The following MTMR11 variants were observed in gnomAD, a reference collection of about 807,000 sequenced individuals.
MTMR11 encodes the protein myotubularin-related protein 11.
Under a neutral mutation model 100.0 loss-of-function variants are expected in MTMR11, and 89 were observed. That is an observed-to-expected ratio of 0.89 (90% CI 0.75 to 1.06). The LOEUF is 1.06. MTMR11 is among the 50% of genes least tolerant of loss of function. The pLI, the probability that MTMR11 is intolerant of heterozygous loss-of-function variation, is 0.00. For missense variants in MTMR11, 809 were observed against 873.7 expected, an observed-to-expected ratio of 0.93 and a Z score of 0.93; for synonymous variants, 336 against 326.3, an observed-to-expected ratio of 1.03 and a Z score of -0.32.
chr1:149,928,846 C>T lies in MTMR11; in HGVS notation c.*283G>A. 1 of 1,606,060 alleles carries T rather than the reference C, an allele frequency of 6.2e-7. No homozygotes were observed. The highest frequency in any genetic ancestry group is 2.2e-5 in the East Asian group (1 of 44,844). ...AGGCCATCTTGTTGGGACTGATGAA[C>T]AGCATCTCTGATCTCATGATTTAAC... On this transcript the variant is annotated 3_prime_UTR_variant, in exon 17 of 17. Coordinates refer to ENST00000439741, the MANE Select transcript of MTMR11 (RefSeq NM_001145862.2).
At position 149,931,971 on chromosome 1, in the gene MTMR11, A is replaced by G. The variant is rs1347812966; in HGVS notation, c.1096T>C (p.Ser366Pro). 6.2e-7 allele frequency: 1 copy of G among 1,613,878 alleles called. No individual in the cohort carries two copies. The highest frequency in any genetic ancestry group is 8.5e-7 in the Non-Finnish European group (1 of 1,179,822). ...KASDISVLVT[S>P]RVRSVILQER... ...TGAAGTATTACAGAACGAACCCTGG[A>G]TGTCACTAATACTGAAATGTCACTG... Residue 366 changes from serine to proline, a missense_variant, in exon 12 of 17, where the codon TCC (serine) becomes CCC (proline). Physicochemically the swap from Ser to Pro is moderately conservative, Grantham distance 74. Coordinates refer to ENST00000439741, the MANE Select transcript of MTMR11 (RefSeq NM_001145862.2).
At chr1:149,931,107 G>T in intron 13 of MTMR11, 142 bp from the exon 14 acceptor site, 1 of 1,333,328 alleles carries the variant, frequency 7.5e-7, no homozygotes, top group Non-Finnish European at 1.0e-6. Context: ...GGGTAGCAGG[G>T]GCTTGTAAGG....
At position 149,928,830 on chromosome 1, in the gene MTMR11, T is replaced by C. The variant is rs368582793; in HGVS notation, c.*299A>G. 4.4e-6 allele frequency: 7 copies of C among 1,586,088 alleles called. No individual in the cohort carries two copies. Among genetic ancestry groups the C allele is most frequent in the African/African-American group, 1.3e-5 (1 of 74,218 alleles). ...TGAGAATGCGATTTCTAGGCCATCT[T>C]GTTGGGACTGATGAACAGCATCTCT... On this transcript the variant is annotated 3_prime_UTR_variant, in exon 17 of 17. Coordinates refer to ENST00000439741, the MANE Select transcript of MTMR11 (RefSeq NM_001145862.2).
intron 7 of MTMR11, 69 bp downstream of exon 7, chr1:149,934,122 G>C (rs2092695084): frequency 6.2e-7 from 1 of 1,606,744 alleles, no homozygotes; most frequent in Admixed American, 1.7e-5. Flanking sequence ...GGAAGTCCTA[G>C]CTTTAGAGGA....
At position 149,935,031 on chromosome 1, in the gene MTMR11, G is replaced by T. The variant is rs1189744944; in HGVS notation, c.423C>A (p.Leu141=). The T allele has an allele frequency of 6.2e-7, 1 of 1,614,100 alleles. No homozygotes were observed. The highest frequency in any genetic ancestry group is 1.7e-5 in the Admixed American group (1 of 60,020). ...ILIHGRDFRL[L]RVGFEAGGLE... is the part of the protein sequence containing the mutation. ...GGCCTCCAGCCTCAAAACCAACTCT[G>T]AGCAGCCGGAAGTCTCGGCCATGAA... The change falls in exon 5 of 17, where the codon CTC becomes CTA. Residue 141 remains leucine, a synonymous_variant. Transcript: ENST00000439741.
chr1:149,932,291 T>C lies in MTMR11; in HGVS notation c.1025A>G (p.Glu342Gly). Residue 342 changes from glutamate to glycine, a missense_variant, in exon 11 of 17, where the codon GAA (glutamate) becomes GGA (glycine). Glu to Gly is a moderately conservative substitution (Grantham distance 98). Coordinates refer to ENST00000439741, the MANE Select transcript of MTMR11 (RefSeq NM_001145862.2). ...GACATAGTCCAGCCATCGTGTTCCTTCCAGGGCTGAAAGCCATTTATCCTC... is the reference window on the plus strand; with the variant it reads ...GACATAGTCCAGCCATCGTGTTCCTCCCAGGGCTGAAAGCCATTTATCCTC... ...VAEDKWLSAL[E>G]GTRWLDYVRA... is the part of the protein sequence containing the mutation. 1 of 1,614,104 alleles carries C rather than the reference T, an allele frequency of 6.2e-7. No homozygotes were observed. The highest frequency in any genetic ancestry group is 8.5e-7 in the Non-Finnish European group (1 of 1,179,948).
chr1:149,931,275 A>T lies in MTMR11; in HGVS notation c.1275T>A (p.Thr425=), dbSNP rs1553767566. ...GHPFLTRLGG[T]GASEEAPVFL... ...TCATTCTCACCTCTTCACTGGCCCC[A>T]GTTCCCCCAAGCCGAGTCAGGAAGG... Residue 425 remains threonine, a synonymous_variant, in exon 13 of 17, where the codon ACT becomes ACA. Coordinates refer to ENST00000439741, the MANE Select transcript of MTMR11 (RefSeq NM_001145862.2). 2 of 1,613,944 alleles carry T rather than the reference A, an allele frequency of 1.2e-6. No individual in the cohort carries two copies. Among genetic ancestry groups the T allele is most frequent in the Non-Finnish European group, 1.7e-6 (2 of 1,180,010 alleles).
chr1:149,929,416 C>T (rs781885414), intron 16 of MTMR11, 99 bp from the exon 17 acceptor site: 28 of 1,271,262 alleles, frequency 2.2e-5, no homozygotes, highest in Non-Finnish European at 3.1e-5. Context: ...TTTCCCCTTT[C>T]AGCTATGCCC....
chr1:149,929,002 G>A lies in MTMR11; in HGVS notation c.*127C>T. The A allele has an allele frequency of 6.2e-7, 1 of 1,607,532 alleles. No individual in the cohort carries two copies. Among genetic ancestry groups the A allele is most frequent in the Non-Finnish European group, 8.5e-7 (1 of 1,176,540 alleles). On this transcript the variant is annotated 3_prime_UTR_variant, in exon 17 of 17. Coordinates refer to ENST00000439741, the MANE Select transcript of MTMR11 (RefSeq NM_001145862.2). ...GAAACTAAGCAAGACAAGAGTTGGA[G>A]CAGTTAACACCACTATCTGCAGCAG...
Position 149,935,134 on chromosome 1 carries a change from G to C in MTMR11, c.326-6C>G. ...GACTCGGGACAAGCCGCTCACTGAAGTCAAGAGGTACAGAACAGTGTAACC... is the reference window on the plus strand; with the variant it reads ...GACTCGGGACAAGCCGCTCACTGAACTCAAGAGGTACAGAACAGTGTAACC... On this transcript the variant is annotated splice_region_variant and splice_polypyrimidine_tract_variant and intron_variant, in intron 4 of 16. Transcript: ENST00000439741. 1 of 1,614,112 alleles carries C rather than the reference G, an allele frequency of 6.2e-7. No homozygotes were observed. The highest frequency in any genetic ancestry group is 8.5e-7 in the Non-Finnish European group (1 of 1,179,998).
rs56830291 is a variant in MTMR11 at position 149,936,123 on chromosome 1, A to AAG, written c.142+29_142+30dup. On this transcript the variant is annotated intron_variant, in intron 2 of 16. Coordinates refer to ENST00000439741, the MANE Select transcript of MTMR11 (RefSeq NM_001145862.2). ...AAGATTGGCGTAGGATGAAATTTGGAAGTCTTTGGAGAGTGATAGGGCATT... is the reference window on the plus strand; with the variant it reads ...AAGATTGGCGTAGGATGAAATTTGGAAGAGTCTTTGGAGAGTGATAGGGCATT... 0.012 allele frequency: 18,567 copies of AAG among 1,593,730 alleles called. 1,755 individuals carry two copies. The African/African-American group carries it at 0.21, about 18-fold the overall frequency.
chr1:149,931,908 G>C (rs782735525), intron 12 of MTMR11, 36 bp downstream of exon 12: 27 of 1,563,666 alleles, frequency 1.7e-5, no homozygotes, highest in Middle Eastern at 1.7e-4. Context: ...AAAGAAAAGA[G>C]GCAAGGAATG....
intron 9 of MTMR11, 25 bp downstream of exon 9, chr1:149,933,585 A>G: frequency 6.2e-7 from 1 of 1,614,120 alleles, no homozygotes; most frequent in South Asian, 1.1e-5. Context: ...CTAACCCTTG[A>G]TTCTTCTCAT....
rs782209894 is a variant in MTMR11, at chr1:149,933,914, G to A, written c.712C>T (p.Arg238Ter). The A allele has an allele frequency of 9.3e-6, 15 of 1,614,086 alleles. No homozygotes were observed. The highest frequency in any genetic ancestry group is 2.2e-5 in the South Asian group (2 of 91,092). ...CTCCTGACCTCACTGTCCAGAATTC[G>A]GTTAGGGACCCAGAAGTAACGGGGG... The part of the protein sequence containing the change: ...SLPRYFWVPN[R>*]ILDSEVRRAF... Residue 238 changes from arginine (R) to a stop codon, truncating the protein, a stop_gained, in exon 8 of 17, where the codon CGA (arginine) becomes TGA (stop). Coordinates refer to ENST00000439741, the MANE Select transcript of MTMR11 (RefSeq NM_001145862.2). LOFTEE classifies it high-confidence loss of function.
rs1046447370 is a variant in MTMR11, at chr1:149,930,843, G to A, written c.1413C>T (p.Thr471=). The A allele has an allele frequency of 6.2e-7, 1 of 1,608,118 alleles. No homozygotes were observed. Among genetic ancestry groups the A allele is most frequent in the Admixed American group, 1.7e-5 (1 of 58,718 alleles). The stretch of plus-strand genomic sequence containing the variant: ...AGGGGGTATTTCTCAGGAAGGTAAG[G>A]GTGTCAGGAACCCTGACACTGTCAT... ...ALHDSVRVPD[T]LTFLRNTPWE... is the part of the protein sequence containing the mutation. The change falls in exon 14 of 17, where the codon ACC becomes ACT. Residue 471 remains threonine, a synonymous_variant. Coordinates refer to ENST00000439741, the MANE Select transcript of MTMR11 (RefSeq NM_001145862.2).
At chr1:149,929,601 C>G in intron 16 of MTMR11, 22 bp downstream of exon 16, 1 of 1,596,700 alleles carries the variant, frequency 6.3e-7, no homozygotes, top group Non-Finnish European at 8.5e-7. Flanking sequence ...TGTCCCACTC[C>G]CAGTCTATTT....
chr1:149,933,963 T>C (rs879974673), intron 7 of MTMR11, 21 bp from the exon 8 acceptor site: 2 of 1,604,818 alleles, frequency 1.2e-6, no homozygotes, highest in South Asian at 2.2e-5. Context: ...AGAGTGATAT[T>C]ACAGTTTGGC....
Position 149,929,115 on chromosome 1 carries a change from G to C in MTMR11, c.*14C>G. On this transcript the variant is annotated 3_prime_UTR_variant, in exon 17 of 17. Coordinates refer to ENST00000439741, the MANE Select transcript of MTMR11 (RefSeq NM_001145862.2). ...ATACAAAAAAAAAAAAAAAAGATTA[G>C]ACAGAACCCTCCTCTACCCCAGATC... 1 of 1,579,364 alleles carries C rather than the reference G, an allele frequency of 6.3e-7. No individual in the cohort carries two copies.
intron 15 of MTMR11, 45 bp downstream of exon 15, chr1:149,930,320 G>C: frequency 6.4e-7 from 1 of 1,557,146 alleles, no homozygotes; most frequent in African/African-American, 1.4e-5. Context: ...AGTAGCATGA[G>C]CCTGTGGGAA....
Sources: gnomAD v4.1 joint callset for allele counts on GRCh38, gnomAD v4.1.1 for gene constraint, MANE v1.5 for transcripts, NCBI Gene and HGNC (gene_info 2026-07-23, HGNC 2026-07-21) for gene names.